Variants in ACSBG2 observed in about 807,000 individuals in gnomAD.
The protein encoded by ACSBG2 is acyl-CoA synthetase bubblegum family member 2.
A neutral mutation model predicts 74.7 loss-of-function variants in ACSBG2; 62 were observed. The ratio of observed to expected loss-of-function variants is 0.83; its 90% CI spans 0.68 to 1.03. The LOEUF (loss-of-function observed/expected upper bound fraction) is 1.03, where lower values mean the gene tolerates loss of function less well. Ranked by LOEUF, ACSBG2 falls within the 50% of genes least tolerant of loss-of-function variation. The pLI is 0.00. For synonymous variants in ACSBG2, 309 were observed against 294.1 expected, an observed-to-expected ratio of 1.05 and a Z score of -0.52; for missense variants, 730 against 817.6, an observed-to-expected ratio of 0.89 and a Z score of 1.31.
chr19:6,143,605 A>G (rs951344853), intron 2 of ACSBG2, among the ~76,000 whole-genome samples: 4 of 152,080 alleles, frequency 2.6e-5, no homozygotes, highest in African/African-American at 9.7e-5. Flanking sequence ...ATATCCCACA[A>G]GTGTCCAGGT....
intron 2 of ACSBG2, among the ~76,000 whole-genome samples, chr19:6,142,459 A>G (rs1435655800): frequency 6.6e-6 from 1 of 151,994 alleles, no homozygotes; most frequent in Non-Finnish European, 1.5e-5. Context: ...AAGTCAGAAA[A>G]TAGTGAAAGT....
At chr19:6,152,279 A>ATTTTTTT (rs71172791) in intron 4 of ACSBG2, among the ~76,000 whole-genome samples, 2 of 68,472 alleles carry the variant, frequency 2.9e-5, no homozygotes, top group African/African-American at 6.6e-5. Context: ...CACCCAGCTA[A>ATTTTTTT]TTTTTTTTTT....
Position 6,156,337 on chromosome 19 carries a change from T to C in ACSBG2, c.387-94T>C, listed in dbSNP as rs2089418300. 3.6e-6 allele frequency: 5 copies of C among 1,407,874 alleles called. No individual in the cohort carries two copies. In the Admixed American group the frequency reaches 1.1e-4, roughly 32 times the overall value. 87.2% of individuals were successfully genotyped at this position (1,407,874 alleles called of 1,614,324 possible). Reference sequence around the variant, plus strand: ...GTGCTGTGGCTGCAAACTTAAGAACTTGCCTGCAAACCTTTCCTCTCTTTT... The same window carrying C: ...GTGCTGTGGCTGCAAACTTAAGAACCTGCCTGCAAACCTTTCCTCTCTTTT... On this transcript the variant is annotated intron_variant, in intron 4 of 14. Transcript: ENST00000588485.
At chr19:6,161,697 T>G (rs2089625894) in intron 6 of ACSBG2, 2 of 173,302 alleles carry the variant, frequency 1.2e-5, no homozygotes, top group Admixed American at 5.9e-5. Flanking sequence ...GGGAAGTGGA[T>G]GTGGCCTTTG....
At chr19:6,186,474 CAT>C (rs1217993310) in intron 11 of ACSBG2, among the ~76,000 whole-genome samples, 3 of 152,142 alleles carry the variant, frequency 2.0e-5, no homozygotes, top group African/African-American at 7.2e-5. Context: ...CACTATGGGC[CAT>C]AGTTTGCCAA....
chr19:6,138,602 G>GAGGGAGGA (rs1555687911), intron 1 of ACSBG2, among the ~76,000 whole-genome samples: 25 of 96,284 alleles, frequency 2.6e-4, no homozygotes, highest in African/African-American at 3.5e-4. Flanking sequence ...AAGAGAGAGG[G>GAGGGAGGA]AGGAAGGAAG....
intron 7 of ACSBG2, among the ~76,000 whole-genome samples, chr19:6,166,636 G>C (rs962860901): frequency 2.0e-5 from 3 of 151,566 alleles, no homozygotes; most frequent in East Asian, 3.9e-4. Context: ...AGTTGTGTGT[G>C]TGTTTTGTTT....
At chr19:6,170,698 G>A (rs946304082) in intron 7 of ACSBG2, among the ~76,000 whole-genome samples, 2 of 152,190 alleles carry the variant, frequency 1.3e-5, no homozygotes, top group Non-Finnish European at 2.9e-5. Context: ...ATGTGCAGAT[G>A]AGAAAAATGT....
At chr19:6,167,211 G>A (rs545747802) in intron 7 of ACSBG2, among the ~76,000 whole-genome samples, 3 of 152,296 alleles carry the variant, frequency 2.0e-5, no homozygotes, top group Admixed American at 2.0e-4. Flanking sequence ...AGCACACACT[G>A]GTGTCTGACC....
intron 12 of ACSBG2, 70 bp downstream of exon 12, chr19:6,187,492 G>C: frequency 6.2e-7 from 1 of 1,603,564 alleles, no homozygotes; most frequent in Non-Finnish European, 8.5e-7. Context: ...CCCACCCCAG[G>C]GTCAAGAGGA....
intron 1 of ACSBG2, among the ~76,000 whole-genome samples, chr19:6,139,088 AC>A (rs201291124): frequency 0.082 from 9,182 of 111,304 alleles, 885 homozygotes; most frequent in African/African-American, 0.28. Flanking sequence ...TTAAAATTAA[AC>A]TTATTTTTTT....
At chr19:6,192,070 C>CCAA (rs2090578040) in intron 14 of ACSBG2, 3 of 40,800 alleles carry the variant, frequency 7.4e-5, no homozygotes, top group African/African-American at 3.7e-4. Flanking sequence ...AAGCACAGCA[C>CCAA]CAAAAAAAAA....
chr19:6,167,108 C>G (rs1478896933), intron 7 of ACSBG2, among the ~76,000 whole-genome samples: 1 of 152,204 alleles, frequency 6.6e-6, no homozygotes, highest in Non-Finnish European at 1.5e-5. Flanking sequence ...CATGCAATCA[C>G]ACCTGGCCTG....
chr19:6,158,929 TTTTTC>T (rs984558746), intron 5 of ACSBG2, among the ~76,000 whole-genome samples: 1 of 152,014 alleles, frequency 6.6e-6, no homozygotes, highest in African/African-American at 2.4e-5. Flanking sequence ...ATTCTTTTCT[TTTTTC>T]TTTTTCTTTT....
At chr19:6,167,044 C>T (rs1011883872) in intron 7 of ACSBG2, among the ~76,000 whole-genome samples, 3 of 152,058 alleles carry the variant, frequency 2.0e-5, no homozygotes, top group Non-Finnish European at 4.4e-5. Flanking sequence ...TCAGACTCAA[C>T]AGGCTCAAGT....
At chr19:6,184,848 A>AC in intron 10 of ACSBG2, among the ~76,000 whole-genome samples, 1 of 127,992 alleles carries the variant, frequency 7.8e-6, no homozygotes, top group Non-Finnish European at 1.6e-5. Flanking sequence ...AAAAAAAAAA[A>AC]AAAAAAAAAA....
chr19:6,158,400 A>AG lies in ACSBG2; in HGVS notation c.507+1850dup, dbSNP rs1220050725. ...TGCATTGTGTTGAAATTATCCAGTGAGTTTTATTTGTGTACAGTGAAATTT... is the reference window on the plus strand; with the variant it reads ...TGCATTGTGTTGAAATTATCCAGTGAGGTTTTATTTGTGTACAGTGAAATTT... On this transcript the variant is annotated intron_variant, in intron 5 of 14. Transcript: ENST00000588485. Among the ~76,000 whole-genome samples the AG allele has an allele frequency of 3.4e-5, 5 of 145,634 alleles. No individual in the cohort carries two copies. The East Asian group carries it at 1.0e-3, about 29-fold the overall frequency.
chr19:6,192,071 C>CAAAAAA (rs397859531), intron 14 of ACSBG2: 166 of 57,330 alleles, frequency 2.9e-3, no homozygotes, highest in African/African-American at 4.9e-3. Flanking sequence ...AGCACAGCAC[C>CAAAAAA]AAAAAAAAAA....
intron 5 of ACSBG2, among the ~76,000 whole-genome samples, chr19:6,158,839 T>C (rs1000565295): frequency 6.6e-6 from 1 of 152,204 alleles, no homozygotes; most frequent in Admixed American, 6.5e-5. Flanking sequence ...CACTTTCTCC[T>C]GCCTGGCTTC....
Sources: gnomAD v4.1 joint callset for allele counts (sites outside exome capture counted in the v4.1 genomes callset) on GRCh38, gnomAD v4.1.1 for gene constraint, MANE v1.5 for transcripts, NCBI Gene and HGNC (gene_info 2026-07-23, HGNC 2026-07-21) for gene names.